ARHGAP26: variants seen among roughly 807,000 people sequenced by gnomAD.
ARHGAP26 encodes Rho GTPase activating protein 26.
A neutral mutation model predicts 104.8 loss-of-function variants in ARHGAP26; 38 were observed. That is an observed-to-expected ratio of 0.36 (90% CI 0.28 to 0.48). The LOEUF (loss-of-function observed/expected upper bound fraction) is 0.48, where lower values mean the gene tolerates loss of function less well. ARHGAP26 is among the 20% of genes least tolerant of loss of function. ARHGAP26 has a pLI of 0.99. For missense variants in ARHGAP26, 704 were observed against 947.9 expected (o/e 0.74, Z 3.38); for synonymous variants, 341 against 340.0 (o/e 1.00, Z -0.03).
At chr5:142,947,411 T>C (rs1562131558) in intron 11 of ARHGAP26, among the ~76,000 whole-genome samples, 1 of 152,202 alleles carries the variant, frequency 6.6e-6, no homozygotes, top group Non-Finnish European at 1.5e-5. Context: ...GAGATGAATG[T>C]CATCTTTCTC....
chr5:142,858,296 C>T (rs77932615), intron 1 of ARHGAP26, among the ~76,000 whole-genome samples: 43 of 152,212 alleles, frequency 2.8e-4, no homozygotes, highest in Non-Finnish European at 5.9e-4. Context: ...TATCATTTGC[C>T]TAGTGGCAAA....
chr5:143,137,880 T>C (rs1798073457), intron 19 of ARHGAP26, among the ~76,000 whole-genome samples: 1 of 152,240 alleles, frequency 6.6e-6, no homozygotes, highest in Admixed American at 6.5e-5. Context: ...TGGAGCCCAC[T>C]GTTTGCTCTT....
chr5:142,820,372 A>T (rs1442424133), intron 1 of ARHGAP26, among the ~76,000 whole-genome samples: 1 of 152,204 alleles, frequency 6.6e-6, no homozygotes, highest in East Asian at 1.9e-4. Context: ...TTTCATAGTA[A>T]GGTGGCTTTC....
intron 1 of ARHGAP26, among the ~76,000 whole-genome samples, chr5:142,788,411 A>C (rs7710883): frequency 0.1 from 15,552 of 152,166 alleles, 1,028 homozygotes; most frequent in African/African-American, 0.19. Flanking sequence ...GAGAAGATAC[A>C]TTACCAGAGT....
intron 17 of ARHGAP26, among the ~76,000 whole-genome samples, chr5:143,074,536 TG>T (rs1788723278): frequency 6.6e-6 from 1 of 152,236 alleles, no homozygotes; most frequent in Admixed American, 6.5e-5. Flanking sequence ...TAATACTTCA[TG>T]ACACATGAAC....
At chr5:142,885,995 A>T (rs1030773083) in intron 5 of ARHGAP26, among the ~76,000 whole-genome samples, 1 of 152,206 alleles carries the variant, frequency 6.6e-6, no homozygotes, top group Admixed American at 6.5e-5. Context: ...GTCTTTTAAA[A>T]AGTAGTTCAC....
Position 143,057,614 on chromosome 5 carries a change from A to G in ARHGAP26, c.1433-28A>G, listed in dbSNP as rs758795581. On this transcript the variant is annotated intron_variant, in intron 16 of 22. Coordinates refer to ENST00000645722, the MANE Select transcript of ARHGAP26 (RefSeq NM_001135608.3). ...AAGTTGTTTAGCTGTGACACTGATAAGATATTACCTCCCTCCTTCCTTTGC... is the reference window on the plus strand; with the variant it reads ...AAGTTGTTTAGCTGTGACACTGATAGGATATTACCTCCCTCCTTCCTTTGC... 25 of 1,589,176 alleles carry G rather than the reference A, an allele frequency of 1.6e-5. 1 individual carries two copies. The South Asian group carries it at 2.8e-4, about 18-fold the overall frequency.
At chr5:143,080,826 A>C (rs139324792) in intron 17 of ARHGAP26, among the ~76,000 whole-genome samples, 14 of 152,180 alleles carry the variant, frequency 9.2e-5, no homozygotes, top group African/African-American at 3.1e-4. Flanking sequence ...CAGTTGCTCT[A>C]TGGCAAATGA....
At chr5:142,831,957 C>T (rs1208476860) in intron 1 of ARHGAP26, among the ~76,000 whole-genome samples, 5 of 152,098 alleles carry the variant, frequency 3.3e-5, no homozygotes, top group East Asian at 1.9e-4. Flanking sequence ...GATTTACTGC[C>T]GCCCCATTAC....
chr5:143,120,271 A>C (rs773121582), intron 17 of ARHGAP26, among the ~76,000 whole-genome samples: 4 of 152,196 alleles, frequency 2.6e-5, no homozygotes, highest in Non-Finnish European at 5.9e-5. Flanking sequence ...GTTTATTCAA[A>C]AATATGCCTA....
chr5:143,014,686 C>T (rs902952208), intron 12 of ARHGAP26, among the ~76,000 whole-genome samples: 1 of 152,168 alleles, frequency 6.6e-6, no homozygotes, highest in Admixed American at 6.5e-5. Flanking sequence ...TGCCCTGCTG[C>T]TGCCTGTAAG....
chr5:142,821,587 C>A (rs1221372971), intron 1 of ARHGAP26, among the ~76,000 whole-genome samples: 1 of 152,134 alleles, frequency 6.6e-6, no homozygotes, highest in African/African-American at 2.4e-5. Context: ...TCAACATCGT[C>A]TGGGAATTTG....
At chr5:143,051,034 G>A (rs1312739689) in intron 14 of ARHGAP26, among the ~76,000 whole-genome samples, 2 of 152,172 alleles carry the variant, frequency 1.3e-5, no homozygotes, top group African/African-American at 4.8e-5. Context: ...GGCATTAGCA[G>A]TTGCCTCTAC....
At chr5:142,830,626 G>A (rs971735130) in intron 1 of ARHGAP26, among the ~76,000 whole-genome samples, 7 of 152,134 alleles carry the variant, frequency 4.6e-5, no homozygotes, top group African/African-American at 1.4e-4. Flanking sequence ...AAATGTTACC[G>A]ATAGTATCAA....
chr5:142,804,020 GTTA>G (rs1000256808), intron 1 of ARHGAP26, among the ~76,000 whole-genome samples: 1 of 152,172 alleles, frequency 6.6e-6, no homozygotes, highest in East Asian at 1.9e-4. Flanking sequence ...ACAAGATCCT[GTTA>G]TTATTCCCAT....
intron 3 of ARHGAP26, among the ~76,000 whole-genome samples, chr5:142,876,293 C>T: frequency 6.6e-6 from 1 of 152,164 alleles, no homozygotes; most frequent in South Asian, 2.1e-4. Flanking sequence ...AGTTCGAACA[C>T]TATTCACCAA....
At chr5:143,009,760 A>T (rs983910853) in intron 11 of ARHGAP26, among the ~76,000 whole-genome samples, 1 of 152,230 alleles carries the variant, frequency 6.6e-6, no homozygotes, top group Non-Finnish European at 1.5e-5. Flanking sequence ...AAACTAGACT[A>T]TACCTACATC....
At chr5:143,035,754 G>A (rs971768095) in intron 12 of ARHGAP26, among the ~76,000 whole-genome samples, 1 of 151,918 alleles carries the variant, frequency 6.6e-6, no homozygotes, top group African/African-American at 2.4e-5. Context: ...TGGCCAACAT[G>A]GTGAAACTCT....
chr5:142,839,314 A>G (rs768038247), intron 1 of ARHGAP26, among the ~76,000 whole-genome samples: 1 of 152,190 alleles, frequency 6.6e-6, no homozygotes, highest in Non-Finnish European at 1.5e-5. Context: ...CAAGCACTTT[A>G]CAAGTGTTAG....
Sources: allele counts gnomAD v4.1 joint callset (sites outside exome capture counted in the v4.1 genomes callset), GRCh38; gene constraint gnomAD v4.1.1; transcripts MANE v1.5; gene names NCBI Gene and HGNC (gene_info 2026-07-23, HGNC 2026-07-21).